The following TMEM65 variants were observed in gnomAD, a reference collection of about 807,000 sequenced individuals.
The protein encoded by TMEM65 is transmembrane protein 65.
TMEM65 carries 22 observed loss-of-function variants against 25.4 expected under a neutral mutation model. The ratio of observed to expected loss-of-function variants is 0.86; its 90% CI spans 0.62 to 1.23. The LOEUF (loss-of-function observed/expected upper bound fraction) is 1.23, where lower values mean the gene tolerates loss of function less well. TMEM65 is among the 50% of genes most tolerant of loss of function. The pLI is 0.00. For missense variants in TMEM65, 262 were observed against 308.2 expected (o/e 0.85, Z 1.12); for synonymous variants, 132 against 126.2 (o/e 1.05, Z -0.31).
intron 1 of TMEM65, among the ~76,000 whole-genome samples, chr8:124,344,278 G>C (rs2131214939): frequency 6.6e-6 from 1 of 152,276 alleles, no homozygotes; most frequent in East Asian, 1.9e-4. Flanking sequence ...CTCTTAATTT[G>C]CACTATAAAA....
intron 1 of TMEM65, among the ~76,000 whole-genome samples, chr8:124,333,903 A>G (rs989413683): frequency 4.6e-5 from 7 of 152,232 alleles, no homozygotes; most frequent in Admixed American, 1.3e-4. Context: ...CCAGGTAACC[A>G]AACAACTAGA....
At chr8:124,343,935 A>G (rs1446364507) in intron 1 of TMEM65, among the ~76,000 whole-genome samples, 1 of 152,236 alleles carries the variant, frequency 6.6e-6, no homozygotes, top group Non-Finnish European at 1.5e-5. Context: ...AGAAAACCAG[A>G]GGAAGACGAT....
At chr8:124,315,797 T>C (rs1814229919) in intron 6 of TMEM65, among the ~76,000 whole-genome samples, 1 of 152,218 alleles carries the variant, frequency 6.6e-6, no homozygotes, top group Non-Finnish European at 1.5e-5. Context: ...GCCAAAACTT[T>C]AAAAGGTATC....
chr8:124,357,801 T>C (rs1268235070), intron 1 of TMEM65, among the ~76,000 whole-genome samples: 1 of 66,540 alleles, frequency 1.5e-5, no homozygotes. Flanking sequence ...ACAAACCTTT[T>C]TTTTTATATA....
intron 1 of TMEM65, among the ~76,000 whole-genome samples, chr8:124,337,840 A>G (rs1814530683): frequency 6.6e-6 from 1 of 152,072 alleles, no homozygotes; most frequent in African/African-American, 2.4e-5. Flanking sequence ...ACATTAAACA[A>G]GCCATTTTTA....
In TMEM65 at chr8:124,308,813, T is replaced by G. The variant is rs1478687108; in HGVS notation, c.*5147A>C. ...AGACTGATTTTACAACATGAACCCTTCTATCACACAGGCACTAAAACTAAA... is the reference window on the plus strand; with the variant it reads ...AGACTGATTTTACAACATGAACCCTGCTATCACACAGGCACTAAAACTAAA... On this transcript the variant is annotated 3_prime_UTR_variant, in exon 7 of 7. Coordinates refer to ENST00000297632, the MANE Select transcript of TMEM65 (RefSeq NM_194291.3). 2 of 152,182 alleles carry G rather than the reference T, an allele frequency of 1.3e-5. No individual in the cohort carries two copies. Among genetic ancestry groups the G allele is most frequent in the African/African-American group, 4.8e-5 (2 of 41,444 alleles). 9.4% of individuals were successfully genotyped at this position (152,182 alleles called of 1,614,324 possible). A position where few individuals can be genotyped will look rare whatever the true frequency, so the allele number is the denominator to read the frequency against.
chr8:124,322,179 TA>T, intron 4 of TMEM65, 32 bp from the exon 5 acceptor site: 1 of 1,498,500 alleles, frequency 6.7e-7, no homozygotes, highest in South Asian at 1.2e-5. Context: ...AATTGTTACA[TA>T]AAAGAATAAT....
intron 4 of TMEM65, among the ~76,000 whole-genome samples, chr8:124,322,618 T>C (rs1318036265): frequency 6.6e-6 from 1 of 152,014 alleles, no homozygotes; most frequent in Non-Finnish European, 1.5e-5. Context: ...AGAAGACAGA[T>C]GTTTAATCCT....
At position 124,314,029 on chromosome 8, in the gene TMEM65, A is replaced by C; in HGVS notation, c.654T>G (p.Ile218Met). ...AGAAAATTAAAGGAAACATTCCTAG[A>C]ATGCAGCCAATAGTCACCCCAACAG... ...GKAVGVTIGC[I>M]LGMFPLIFFG... The change falls in exon 7 of 7, where the codon ATT becomes ATG. Residue 218 changes from isoleucine (I) to methionine (M), a missense_variant. Coordinates refer to ENST00000297632, the MANE Select transcript of TMEM65 (RefSeq NM_194291.3). 1 of 1,613,654 alleles carries C rather than the reference A, an allele frequency of 6.2e-7. No individual in the cohort carries two copies. Among genetic ancestry groups the C allele is most frequent in the Non-Finnish European group, 8.5e-7 (1 of 1,179,780 alleles).
intron 4 of TMEM65, among the ~76,000 whole-genome samples, chr8:124,322,756 G>A (rs547242947): frequency 6.6e-6 from 1 of 152,212 alleles, no homozygotes; most frequent in East Asian, 1.9e-4. Context: ...CTAGCACTTT[G>A]GGAGGCCGAG....
Position 124,371,918 on chromosome 8 carries a change from G to A in TMEM65, c.240C>T (p.His80=). Residue 80 remains histidine, a synonymous_variant, in exon 1 of 7, where the codon CAC becomes CAT. Transcript: ENST00000297632. ...TGAGCAGGCAGCTCCTCTCCGTGGA[G>A]TGCAGGCTGTAGATGAAGTCGCGCG... is the stretch of plus-strand genomic sequence containing the variant. ...QGARDFIYSL[H]STERSCLLKE... is the part of the protein sequence containing the mutation. 1 of 1,541,480 alleles carries A rather than the reference G, an allele frequency of 6.5e-7. No individual in the cohort carries two copies. The highest frequency in any genetic ancestry group is 8.7e-7 in the Non-Finnish European group (1 of 1,147,846).
intron 1 of TMEM65, among the ~76,000 whole-genome samples, chr8:124,332,836 C>T (rs561685776): frequency 1.4e-4 from 21 of 152,072 alleles, no homozygotes; most frequent in Non-Finnish European, 1.0e-4. Context: ...TGGAGTCTCA[C>T]TCTGTCTCTC....
At chr8:124,340,587 C>T (rs1290221841) in intron 1 of TMEM65, among the ~76,000 whole-genome samples, 1 of 152,096 alleles carries the variant, frequency 6.6e-6, no homozygotes, top group African/African-American at 2.4e-5. Flanking sequence ...GTGAAATAAA[C>T]TTATGTTATC....
intron 1 of TMEM65, among the ~76,000 whole-genome samples, chr8:124,369,741 G>T (rs1315337463): frequency 6.6e-6 from 1 of 152,088 alleles, no homozygotes; most frequent in African/African-American, 2.4e-5. Context: ...AATGAATAAG[G>T]TAATTTCCTA....
At position 124,372,249 on chromosome 8, in the gene TMEM65, C is replaced by A. The variant is rs2131237515; in HGVS notation, c.-92G>T. 8.8e-7 allele frequency: 1 copy of A among 1,139,746 alleles called. No homozygotes were observed. The highest frequency in any genetic ancestry group is 1.1e-6 in the Non-Finnish European group (1 of 918,996). 70.6% of individuals were successfully genotyped at this position (1,139,746 alleles called of 1,614,324 possible). On this transcript the variant is annotated 5_prime_UTR_variant, in exon 1 of 7. Coordinates refer to ENST00000297632, the MANE Select transcript of TMEM65 (RefSeq NM_194291.3). ...GAAGGAGCTGGGCTCAGCTCGACCCCGCCCCGAGGTCCTCCTGCCAGGCAG... is the reference window on the plus strand; with the variant it reads ...GAAGGAGCTGGGCTCAGCTCGACCCAGCCCCGAGGTCCTCCTGCCAGGCAG...
intron 1 of TMEM65, among the ~76,000 whole-genome samples, chr8:124,356,439 T>C (rs942569833): frequency 1.1e-4 from 17 of 152,228 alleles, no homozygotes; most frequent in South Asian, 2.1e-4. Flanking sequence ...TTCTGACTTA[T>C]GAGTAAAGAG....
rs534430131 is a variant in TMEM65, at chr8:124,307,840, G to A, written c.*6120C>T. 7.2e-5 allele frequency: 11 copies of A among 152,234 alleles called. No individual in the cohort carries two copies. Among genetic ancestry groups the A allele is most frequent in the African/African-American group, 2.6e-4 (11 of 41,536 alleles). The allele number at this position is 152,234 out of a possible 1,614,324, so 9.4% of individuals were successfully genotyped here. Reference sequence around the variant, plus strand: ...GGAGAAAGCATATCTACCAAAACAGGTTCTTAAGGCAGACAGAAGTGCCCT... The same window carrying A: ...GGAGAAAGCATATCTACCAAAACAGATTCTTAAGGCAGACAGAAGTGCCCT... On this transcript the variant is annotated 3_prime_UTR_variant, in exon 7 of 7. Transcript: ENST00000297632.
chr8:124,361,760 C>T (rs1342820083), intron 1 of TMEM65, among the ~76,000 whole-genome samples: 2 of 149,910 alleles, frequency 1.3e-5, no homozygotes, highest in Non-Finnish European at 3.0e-5. Context: ...TGCTTGAACC[C>T]GGGAGGCAGA....
intron 6 of TMEM65, among the ~76,000 whole-genome samples, chr8:124,314,679 G>A (rs536068934): frequency 6.6e-6 from 1 of 152,226 alleles, no homozygotes; most frequent in Non-Finnish European, 1.5e-5. Flanking sequence ...CACCTAGGCT[G>A]GAACGCAGTG....
Sources: allele counts gnomAD v4.1 joint callset (sites outside exome capture counted in the v4.1 genomes callset), GRCh38; gene constraint gnomAD v4.1.1; transcripts MANE v1.5; gene names NCBI Gene and HGNC (gene_info 2026-07-23, HGNC 2026-07-21).